Variants in EPHA3 observed in about 807,000 individuals in gnomAD.
EPHA3 encodes ephrin type-A receptor 3.
Under a neutral mutation model 107.1 loss-of-function variants are expected in EPHA3, and 42 were observed. That is an observed-to-expected ratio of 0.39 (90% confidence interval 0.31 to 0.51). The LOEUF is 0.51. Among genes scored for constraint, EPHA3 ranks in the 20% least tolerant of loss-of-function variants. The pLI, the probability that EPHA3 is intolerant of heterozygous loss-of-function variation, is 0.78. For synonymous variants in EPHA3, 461 were observed against 424.8 expected (o/e 1.09, Z -1.05); for missense variants, 1,183 against 1,211.2 (o/e 0.98, Z 0.35).
chr3:89,261,286 T>C (rs1294576870), intron 3 of EPHA3, among the ~76,000 whole-genome samples: 2 of 152,216 alleles, frequency 1.3e-5, no homozygotes, highest in Non-Finnish European at 2.9e-5. Context: ...AGACTGTCTT[T>C]ATACCTGCAT....
chr3:89,170,754 T>C (rs1705193753), intron 2 of EPHA3, among the ~76,000 whole-genome samples: 1 of 152,138 alleles, frequency 6.6e-6, no homozygotes, highest in Non-Finnish European at 1.5e-5. Flanking sequence ...TTTGAGACCC[T>C]TGAGTGAAGA....
intron 2 of EPHA3, among the ~76,000 whole-genome samples, chr3:89,207,738 AACT>A (rs1397912194): frequency 1.3e-5 from 2 of 152,114 alleles, no homozygotes; most frequent in Admixed American, 6.5e-5. Context: ...TCATAAATTT[AACT>A]ACAATATTTA....
In EPHA3 at chr3:89,350,697, G is replaced by A. The variant is rs376016560; in HGVS notation, c.1306+8607G>A. Among the ~76,000 whole-genome samples, 21 of 150,772 alleles carry A rather than the reference G, an allele frequency of 1.4e-4. No individual in the cohort carries two copies. In the South Asian group the frequency reaches 3.4e-3, roughly 24 times the overall value. ...CTTTGGAGGAGGAGAGGCGCTCTGC[G>A]TTTTAGAGTTTCCAGTTTTTCTGTT... On this transcript the variant is annotated intron_variant, in intron 5 of 16. Transcript: ENST00000336596.
chr3:89,267,120 CAG>C (rs1003479473), intron 3 of EPHA3, among the ~76,000 whole-genome samples: 12 of 151,936 alleles, frequency 7.9e-5, no homozygotes, highest in African/African-American at 2.9e-4. Context: ...CTTTCTAAGG[CAG>C]AGCTAGAAAG....
chr3:89,436,019 T>C (rs191781734), intron 13 of EPHA3, among the ~76,000 whole-genome samples: 1 of 151,870 alleles, frequency 6.6e-6, no homozygotes, highest in African/African-American at 2.4e-5. Flanking sequence ...CGCTCACCTG[T>C]GGTCCCAACT....
rs1168349491 is a variant in EPHA3 at position 89,210,092 on chromosome 3, A to G, written c.386A>G (p.Asp129Gly). The G allele has an allele frequency of 3.1e-6, 5 of 1,613,932 alleles. No homozygotes were observed. In the African/African-American group the frequency reaches 6.7e-5, roughly 22 times the overall value. ...AACCTGTACTACATGGAGTCTGATGATGATCATGGGGTGAAATTTCGAGAG... is the reference window on the plus strand; with the variant it reads ...AACCTGTACTACATGGAGTCTGATGGTGATCATGGGGTGAAATTTCGAGAG... ...TFNLYYMESD[D>G]DHGVKFREHQ... Residue 129 changes from aspartate (D) to glycine (G), a missense_variant, in exon 3 of 17, where the codon GAT becomes GGT. Physicochemically the swap from Asp to Gly is moderately conservative, Grantham distance 94. Coordinates refer to ENST00000336596, the MANE Select transcript of EPHA3 (RefSeq NM_005233.6).
At position 89,355,703 on chromosome 3, in the gene EPHA3, T is replaced by A. The variant is rs1305643032; in HGVS notation, c.1306+13613T>A. 2.0e-5 allele frequency among the ~76,000 whole-genome samples: 3 copies of A among 150,894 alleles called. 1 individual carries two copies. The highest frequency in any genetic ancestry group is 4.4e-5 in the Non-Finnish European group (3 of 67,468). On this transcript the variant is annotated intron_variant, in intron 5 of 16. Coordinates refer to ENST00000336596, the MANE Select transcript of EPHA3 (RefSeq NM_005233.6). The stretch of plus-strand genomic sequence containing the variant: ...GGAGTAAATAAAATGAGAGAGCATT[T>A]GTGACTGGGAAAGGGCTTGAATAAG...
intron 2 of EPHA3, among the ~76,000 whole-genome samples, chr3:89,172,179 C>A (rs1705226737): frequency 6.6e-6 from 1 of 151,940 alleles, no homozygotes; most frequent in East Asian, 1.9e-4. Context: ...TGGGCTTTTT[C>A]TTTTATGCGT....
At chr3:89,109,470 T>C (rs1274568336) in intron 1 of EPHA3, among the ~76,000 whole-genome samples, 1 of 152,008 alleles carries the variant, frequency 6.6e-6, no homozygotes, top group Admixed American at 6.6e-5. Flanking sequence ...TGATAAATTA[T>C]ATTTTCCAGA....
At chr3:89,169,246 T>G (rs775169025) in intron 2 of EPHA3, among the ~76,000 whole-genome samples, 4 of 152,198 alleles carry the variant, frequency 2.6e-5, no homozygotes, top group Non-Finnish European at 4.4e-5. Flanking sequence ...TATACATGTT[T>G]TTTTTTCTAA....
intron 5 of EPHA3, among the ~76,000 whole-genome samples, chr3:89,368,864 C>T (rs1004586923): frequency 6.6e-6 from 1 of 150,500 alleles, no homozygotes; most frequent in African/African-American, 2.4e-5. Flanking sequence ...GTATGAGCAT[C>T]CCTTAGCCCA....
chr3:89,403,099 A>C (rs1389511775), intron 7 of EPHA3, among the ~76,000 whole-genome samples: 8 of 152,250 alleles, frequency 5.3e-5, no homozygotes. Context: ...TATAGGGAAG[A>C]GATGGAGGCA....
chr3:89,140,606 G>T (rs1459441652), intron 2 of EPHA3, among the ~76,000 whole-genome samples: 1 of 151,738 alleles, frequency 6.6e-6, no homozygotes, highest in East Asian at 1.9e-4. Context: ...TTGCTTTAGT[G>T]ATTATCTCTT....
At chr3:89,215,454 A>G (rs1704200539) in intron 3 of EPHA3, among the ~76,000 whole-genome samples, 7 of 151,860 alleles carry the variant, frequency 4.6e-5, no homozygotes. Flanking sequence ...ATGGATTTGC[A>G]AGTTTAGGAA....
intron 2 of EPHA3, among the ~76,000 whole-genome samples, chr3:89,195,098 T>C (rs1705807109): frequency 6.6e-6 from 1 of 152,128 alleles, no homozygotes. Context: ...AATCTGAATT[T>C]ATATGCATGT....
chr3:89,247,777 T>C (rs754567472), intron 3 of EPHA3, among the ~76,000 whole-genome samples: 2 of 152,060 alleles, frequency 1.3e-5, no homozygotes, highest in Non-Finnish European at 1.5e-5. Context: ...CTAAATTTTA[T>C]TGTAAAAGAT....
At chr3:89,178,039 T>C (rs1453995003) in intron 2 of EPHA3, among the ~76,000 whole-genome samples, 1 of 152,160 alleles carries the variant, frequency 6.6e-6, no homozygotes, top group East Asian at 1.9e-4. Flanking sequence ...GTGAACTAAA[T>C]TCATATCTAT....
intron 5 of EPHA3, among the ~76,000 whole-genome samples, chr3:89,394,159 C>G (rs1188330900): frequency 1.3e-5 from 2 of 152,154 alleles, no homozygotes; most frequent in Non-Finnish European, 2.9e-5. Flanking sequence ...GCCTGTAATT[C>G]TAGCACTTTG....
chr3:89,467,917 G>T (rs1264857249), intron 15 of EPHA3, among the ~76,000 whole-genome samples: 1 of 152,182 alleles, frequency 6.6e-6, no homozygotes, highest in Non-Finnish European at 1.5e-5. Context: ...TGCATGGATT[G>T]AAACCTATCT....
Sources: allele counts gnomAD v4.1 joint callset (sites outside exome capture counted in the v4.1 genomes callset), GRCh38; gene constraint gnomAD v4.1.1; transcripts MANE v1.5; gene names NCBI Gene and HGNC (gene_info 2026-07-23, HGNC 2026-07-21).